The following PFKFB1 variants were observed in gnomAD, a reference collection of about 807,000 sequenced individuals.
PFKFB1 encodes the protein 6-phosphofructo-2-kinase/fructose-2,6-biphosphatase 1, also known as 6-phosphofructo-2-kinase/fructose-2,6-bisphosphatase 1.
In PFKFB1, 34 loss-of-function variants were observed where a neutral mutation model predicts 46.4. That is an observed-to-expected ratio of 0.73 (90% confidence interval 0.56 to 0.98). PFKFB1 has a LOEUF of 0.98. PFKFB1 is among the 50% of genes least tolerant of loss of function. The probability of loss-of-function intolerance (pLI) is 0.00; values close to 1 mark genes in which losing one functional copy is unlikely to be tolerated. For missense variants in PFKFB1, 393 were observed against 376.3 expected (o/e 1.04, Z -0.37); for synonymous variants, 119 against 133.8 (o/e 0.89, Z 0.76).
At chrX:54,941,897 A>T (rs1255926689) in intron 10 of PFKFB1, among the ~76,000 whole-genome samples, 1 of 112,192 alleles carries the variant, frequency 8.9e-6, no homozygotes, top group Non-Finnish European at 1.9e-5. Context: ...TACTGGGTAT[A>T]TACCCAAAGG....
intron 10 of PFKFB1, among the ~76,000 whole-genome samples, chrX:54,942,000 C>T (rs1352200800): frequency 1.8e-5 from 2 of 112,022 alleles, no homozygotes; most frequent in African/African-American, 6.5e-5. Context: ...ACCCAAATGT[C>T]CAACAATGAT....
In PFKFB1 at chrX:54,949,205, G is replaced by T; in HGVS notation, c.863C>A (p.Ala288Asp). The T allele has an allele frequency of 8.3e-7, 1 of 1,206,001 alleles. No individual in the cohort carries two copies. Among genetic ancestry groups the T allele is most frequent in the East Asian group, 3.0e-5 (1 of 33,673 alleles). ...VRGKQYAYAL[A>D]NFIQSQGISS... ...GATGCCCTGGGACTGAATGAAGTTG[G>T]CCAGGGCATAGGCATACTAGGATGT... Residue 288 changes from alanine to aspartate, a missense_variant, in exon 9 of 14, where the codon GCC becomes GAC. Physicochemically the swap from Ala to Asp is moderately radical, Grantham distance 126. Transcript: ENST00000375006.
intron 10 of PFKFB1, among the ~76,000 whole-genome samples, chrX:54,938,018 C>A (rs1025770805): frequency 8.9e-6 from 1 of 111,800 alleles, no homozygotes; most frequent in Non-Finnish European, 1.9e-5. Flanking sequence ...CACTGCTGAC[C>A]TTTCACAAAA....
At chrX:54,978,781 TCTC>T (rs756726093) in intron 1 of PFKFB1, among the ~76,000 whole-genome samples, 1 of 111,942 alleles carries the variant, frequency 8.9e-6, no homozygotes, top group Non-Finnish European at 1.9e-5. Context: ...TCTATGGTAT[TCTC>T]CTTAAAACCC....
At chrX:54,947,672 G>A (rs1259057822) in intron 9 of PFKFB1, among the ~76,000 whole-genome samples, 4 of 111,638 alleles carry the variant, frequency 3.6e-5, no homozygotes, top group Non-Finnish European at 5.6e-5. Flanking sequence ...CTACCCACAC[G>A]CAAGTTATTT....
intron 6 of PFKFB1, among the ~76,000 whole-genome samples, chrX:54,956,484 A>C (rs758886871): frequency 4.6e-4 from 51 of 111,893 alleles, no homozygotes; most frequent in African/African-American, 1.6e-3. Flanking sequence ...ATCTCAAACA[A>C]GGCCTGTTAC....
Position 54,933,436 on chromosome X carries a change from C to T in PFKFB1, c.1383G>A (p.Glu461=). 8.3e-7 allele frequency: 1 copy of T among 1,209,742 alleles called. No individual in the cohort carries two copies. The stretch of plus-strand genomic sequence containing the variant: ...GGGCTGGGACAGTATCCAGGGCTTC[C>T]TCAGGTTCCCGGGTGATGTCCACAT... ...PENVDITREP[E]EALDTVPAHY Residue 461 remains glutamate (E), a synonymous_variant, in exon 14 of 14, where the codon GAG becomes GAA. Coordinates refer to ENST00000375006, the MANE Select transcript of PFKFB1 (RefSeq NM_002625.4).
intron 1 of PFKFB1, among the ~76,000 whole-genome samples, chrX:54,969,189 C>CCTT (rs1001674039): frequency 9.0e-5 from 10 of 110,917 alleles, no homozygotes; most frequent in African/African-American, 3.3e-4. Flanking sequence ...AGAGGTGGGA[C>CCTT]CTTTAAGAAG....
chrX:54,994,077 T>G lies in PFKFB1; in HGVS notation c.-70A>C. The G allele has an allele frequency of 8.7e-7, 1 of 1,155,245 alleles. No homozygotes were observed. Among genetic ancestry groups the G allele is most frequent in the Non-Finnish European group, 1.2e-6 (1 of 866,240 alleles). On this transcript the variant is annotated 5_prime_UTR_variant, in exon 1 of 14. Transcript: ENST00000375006. The stretch of plus-strand genomic sequence containing the variant: ...GCCTCACTTCCTATCTTACTAGCTG[T>G]CTTTTCTCTCGCTGTGGCCACAGCA...
At chrX:54,996,153 C>G (rs1935353830), upstream of PFKFB1, among the ~76,000 whole-genome samples, 1 of 112,230 alleles carries the variant, frequency 8.9e-6, no homozygotes, top group Non-Finnish European at 1.9e-5. Flanking sequence ...TAGCTCAGAA[C>G]CTCTAGAGTC....
chrX:54,990,665 T>A (rs1266363010), intron 1 of PFKFB1, among the ~76,000 whole-genome samples: 2 of 111,587 alleles, frequency 1.8e-5, no homozygotes, highest in Non-Finnish European at 3.8e-5. Flanking sequence ...AGTGTAATCT[T>A]GACACTCTTG....
At chrX:54,941,615 C>G (rs191678934) in intron 10 of PFKFB1, among the ~76,000 whole-genome samples, 1 of 112,264 alleles carries the variant, frequency 8.9e-6, no homozygotes, top group East Asian at 2.8e-4. Flanking sequence ...AAGAAGACAT[C>G]TATGCAGCCA....
chrX:54,973,813 T>C (rs1013496832), intron 1 of PFKFB1, among the ~76,000 whole-genome samples: 1 of 111,619 alleles, frequency 9.0e-6, no homozygotes, highest in Non-Finnish European at 1.9e-5. Flanking sequence ...AAATGTATAT[T>C]CTGTTGATTT....
chrX:54,967,289 T>C (rs1359735783), intron 1 of PFKFB1, among the ~76,000 whole-genome samples: 1 of 111,936 alleles, frequency 8.9e-6, no homozygotes, highest in Non-Finnish European at 1.9e-5. Context: ...TTAAATTAGC[T>C]ATAATAAAAA....
chrX:54,977,669 T>C (rs1286827069), intron 1 of PFKFB1, among the ~76,000 whole-genome samples: 1 of 111,464 alleles, frequency 9.0e-6, no homozygotes, highest in African/African-American at 3.3e-5. Context: ...CTAGAATTAA[T>C]GATACCCTAA....
intron 1 of PFKFB1, among the ~76,000 whole-genome samples, chrX:54,987,002 A>G (rs928807527): frequency 9.0e-6 from 1 of 111,064 alleles, no homozygotes; most frequent in Non-Finnish European, 1.9e-5. Flanking sequence ...ACAAAATCAA[A>G]AGTTGGTTAT....
At chrX:54,953,715 T>C (rs1214724238) in intron 7 of PFKFB1, among the ~76,000 whole-genome samples, 1 of 111,814 alleles carries the variant, frequency 8.9e-6, no homozygotes, top group Non-Finnish European at 1.9e-5. Flanking sequence ...TCCAAATTCC[T>C]CAGCTTAGTC....
At chrX:54,974,453 C>T (rs1423123818) in intron 1 of PFKFB1, among the ~76,000 whole-genome samples, 2 of 111,515 alleles carry the variant, frequency 1.8e-5, no homozygotes, top group Admixed American at 1.9e-4. Context: ...AAAATCAACT[C>T]AAGATGGATC....
At chrX:54,935,059 A>AT in intron 11 of PFKFB1, 50 bp from the exon 12 acceptor site, 1 of 986,122 alleles carries the variant, frequency 1.0e-6, no homozygotes, top group Non-Finnish European at 1.4e-6. Context: ...TGGCCAGGAC[A>AT]CAGCCTCCCC....
Sources: allele counts gnomAD v4.1 joint callset (sites outside exome capture counted in the v4.1 genomes callset), GRCh38; gene constraint gnomAD v4.1.1; transcripts MANE v1.5; gene names NCBI Gene and HGNC (gene_info 2026-07-23, HGNC 2026-07-21).